FILIP1: variants seen among roughly 807,000 people sequenced by gnomAD.
FILIP1 encodes the protein filamin A interacting protein 1, also known as filamin-A-interacting protein 1.
Under a neutral mutation model 102.1 loss-of-function variants are expected in FILIP1, and 61 were observed. The observed-to-expected ratio is 0.60, with a 90% CI of 0.49 to 0.74. The LOEUF is 0.74. Ranked by LOEUF, FILIP1 falls within the 30% of genes least tolerant of loss-of-function variation. The pLI is 0.00. For missense variants in FILIP1, 1,314 were observed against 1,441.2 expected, an observed-to-expected ratio of 0.91 and a Z score of 1.43; for synonymous variants, 491 against 526.9, an observed-to-expected ratio of 0.93 and a Z score of 0.93.
intron 2 of FILIP1, among the ~76,000 whole-genome samples, chr6:75,386,897 G>T (rs1158306842): frequency 6.6e-6 from 1 of 152,026 alleles, no homozygotes; most frequent in Admixed American, 6.6e-5. Flanking sequence ...AGAATGTGCA[G>T]GTTTGTTACA....
chr6:75,336,951 C>T (rs546673325), intron 4 of FILIP1, among the ~76,000 whole-genome samples: 32 of 152,216 alleles, frequency 2.1e-4, no homozygotes, highest in African/African-American at 6.7e-4. Flanking sequence ...TAACAAGAAA[C>T]GTCCCACTAT....
rs1280894128 is a variant in FILIP1 at position 75,308,207 on chromosome 6, T to C, written c.*484A>G. On this transcript the variant is annotated 3_prime_UTR_variant, in exon 6 of 6. Coordinates refer to ENST00000237172, the MANE Select transcript of FILIP1 (RefSeq NM_015687.5). ...GCCCTGTGATAGCTATGTGATGTTT[T>C]TTCCAGCACATAAAGCAAATTCATG... 3 of 988,306 alleles carry C rather than the reference T, an allele frequency of 3.0e-6. No individual in the cohort carries two copies. The highest frequency in any genetic ancestry group is 3.6e-6 in the Non-Finnish European group (3 of 831,594). The allele number at this position is 988,306 out of a possible 1,614,324, so 61.2% of individuals were successfully genotyped here. A position where few individuals can be genotyped will look rare whatever the true frequency, so the allele number is the denominator to read the frequency against.
intron 4 of FILIP1, among the ~76,000 whole-genome samples, chr6:75,340,926 A>C (rs1319045566): frequency 7.9e-5 from 11 of 139,222 alleles, no homozygotes; most frequent in African/African-American, 2.7e-4. Flanking sequence ...CTGATCTCGA[A>C]CTCCTGACCT....
intron 4 of FILIP1, among the ~76,000 whole-genome samples, chr6:75,315,893 G>A (rs1333248357): frequency 1.3e-4 from 20 of 152,310 alleles, no homozygotes; most frequent in East Asian, 1.9e-4. Context: ...AACCCTTGAC[G>A]TAAACTACGT....
intron 1 of FILIP1, among the ~76,000 whole-genome samples, chr6:75,444,429 T>A (rs1778374841): frequency 6.6e-6 from 1 of 152,250 alleles, no homozygotes; most frequent in Non-Finnish European, 1.5e-5. Context: ...GGCTTCTCAT[T>A]GATACAAGAG....
chr6:75,307,970 G>A (rs1773041461), downstream of FILIP1: 3 of 879,064 alleles, frequency 3.4e-6, no homozygotes, highest in African/African-American at 1.8e-5. Flanking sequence ...AATAGAGCAC[G>A]AGTCTGACAT....
At chr6:75,394,665 A>G (rs1407820105) in intron 2 of FILIP1, among the ~76,000 whole-genome samples, 1 of 152,226 alleles carries the variant, frequency 6.6e-6, no homozygotes, top group Non-Finnish European at 1.5e-5. Flanking sequence ...AAATGTCTCT[A>G]ACAACATTTG....
intron 2 of FILIP1, among the ~76,000 whole-genome samples, chr6:75,388,443 T>C (rs537032085): frequency 1.3e-3 from 192 of 152,344 alleles, no homozygotes; most frequent in African/African-American, 4.5e-3. Context: ...TTGATGGGAA[T>C]AGCATTGAAT....
At chr6:75,405,125 A>G (rs894560158) in intron 2 of FILIP1, among the ~76,000 whole-genome samples, 7 of 152,218 alleles carry the variant, frequency 4.6e-5, no homozygotes, top group Non-Finnish European at 8.8e-5. Flanking sequence ...TGAGGCCCAG[A>G]GTCAACACTA....
chr6:75,362,027 G>C (rs1199157952), intron 3 of FILIP1: 2 of 152,200 alleles, frequency 1.3e-5, no homozygotes, highest in African/African-American at 2.4e-5. Context: ...AGTTGTTTCA[G>C]ACTTTTAATT....
intron 2 of FILIP1, among the ~76,000 whole-genome samples, chr6:75,401,058 C>G (rs1776639882): frequency 6.6e-6 from 1 of 152,088 alleles, no homozygotes; most frequent in Non-Finnish European, 1.5e-5. Context: ...TTTCCCCACC[C>G]CTACTATTTC....
At chr6:75,301,691 C>T (rs1450419224) in intron 6 of FILIP1, among the ~76,000 whole-genome samples, 1 of 152,250 alleles carries the variant, frequency 6.6e-6, no homozygotes, top group East Asian at 1.9e-4. Context: ...TATATTATGA[C>T]TCTAAGAGAG....
intron 1 of FILIP1, among the ~76,000 whole-genome samples, chr6:75,480,862 T>C (rs558673431): frequency 4.6e-5 from 7 of 152,354 alleles, no homozygotes; most frequent in Admixed American, 2.6e-4. Context: ...TGTATGTATA[T>C]AGCAGACCCT....
downstream of FILIP1, among the ~76,000 whole-genome samples, chr6:75,304,062 T>C (rs137895359): frequency 1.2e-3 from 185 of 152,128 alleles, no homozygotes; most frequent in African/African-American, 4.2e-3. Flanking sequence ...TAATGGAGCA[T>C]TTGGAAAAAT....
intron 1 of FILIP1, among the ~76,000 whole-genome samples, chr6:75,440,518 G>A (rs756187075): frequency 3.9e-5 from 6 of 152,184 alleles, no homozygotes; most frequent in Non-Finnish European, 5.9e-5. Context: ...GCTGAGACCC[G>A]TCTACAAAGT....
intron 1 of FILIP1, among the ~76,000 whole-genome samples, chr6:75,473,055 T>G (rs576983074): frequency 6.6e-6 from 1 of 152,322 alleles, no homozygotes; most frequent in South Asian, 2.1e-4. Flanking sequence ...GTGGGTATGG[T>G]AGAGCAAAGA....
chr6:75,355,991 G>T (rs533026610), intron 3 of FILIP1, among the ~76,000 whole-genome samples: 2 of 152,142 alleles, frequency 1.3e-5, no homozygotes, highest in Non-Finnish European at 2.9e-5. Flanking sequence ...TCCACTAGAT[G>T]CCAGTAAGCC....
At chr6:75,467,924 C>T (rs143798119) in intron 1 of FILIP1, among the ~76,000 whole-genome samples, 1 of 152,176 alleles carries the variant, frequency 6.6e-6, no homozygotes, top group Admixed American at 6.5e-5. Flanking sequence ...GAACTGTGCA[C>T]CTTCCCTCTA....
At chr6:75,309,034 T>G (rs1773088804) in intron 5 of FILIP1, 137 bp from the exon 6 acceptor site, 6 of 890,652 alleles carry the variant, frequency 6.7e-6, no homozygotes, top group Non-Finnish European at 8.4e-6. Context: ...AAAATAATTG[T>G]GAGAAACTTG....
Sources: allele counts gnomAD v4.1 joint callset (sites outside exome capture counted in the v4.1 genomes callset), GRCh38; gene constraint gnomAD v4.1.1; transcripts MANE v1.5; gene names NCBI Gene and HGNC (gene_info 2026-07-23, HGNC 2026-07-21).